Variants in ZNF91 observed in about 807,000 individuals in gnomAD.
ZNF91 encodes zinc finger protein 91 (HPF7, HTF10).
Under a neutral mutation model 12.6 loss-of-function variants are expected in ZNF91, and 7 were observed. The observed-to-expected ratio is 0.55, with a 90% CI of 0.31 to 1.04. The LOEUF (loss-of-function observed/expected upper bound fraction) is 1.04, where lower values mean the gene tolerates loss of function less well. Among genes scored for constraint, ZNF91 ranks in the 50% least tolerant of loss-of-function variants. ZNF91 has a pLI of 0.05. For missense variants in ZNF91, 1,217 were observed against 1,385.4 expected, an observed-to-expected ratio of 0.88 and a Z score of 1.93; for synonymous variants, 453 against 462.6, an observed-to-expected ratio of 0.98 and a Z score of 0.27.
At position 23,360,548 on chromosome 19, in the gene ZNF91, A is replaced by C. The variant is rs1354829522; in HGVS notation, c.2431T>G (p.Ser811Ala). ...EECGKAFSRS[S>A]TLTKHKTIHT... ...ATTGTCTTATGCTTAGTAAGGGTTG[A>C]GGAACGGCTAAAAGCTTTGCCACAT... Residue 811 changes from serine to alanine, a missense_variant, in exon 4 of 4, where the codon TCA becomes GCA. Transcript: ENST00000300619. 1.2e-6 allele frequency: 2 copies of C among 1,613,710 alleles called. No individual in the cohort carries two copies. The highest frequency in any genetic ancestry group is 1.3e-5 in the African/African-American group (1 of 74,848).
Position 23,374,749 on chromosome 19 carries a change from T to G in ZNF91, c.46A>C (p.Arg16=). The G allele has an allele frequency of 6.2e-7, 1 of 1,611,412 alleles. No individual in the cohort carries two copies. Among genetic ancestry groups the G allele is most frequent in the Non-Finnish European group, 8.5e-7 (1 of 1,178,566 alleles). ...GSLEMGLLTF[R]DVAIEFSPEE... is the part of the protein sequence containing the mutation. The stretch of plus-strand genomic sequence containing the variant: ...GGAGAGAATTCTATGGCCACATCCC[T>G]AAATGTCAACAGTCCCTGAAAAACA... Residue 16 remains arginine (R), a synonymous_variant, in exon 2 of 4, where the codon AGG becomes CGG. Transcript: ENST00000300619.
chr19:23,387,359 A>G (rs1671407009), intron 1 of ZNF91, among the ~76,000 whole-genome samples: 1 of 152,240 alleles, frequency 6.6e-6, no homozygotes, highest in African/African-American at 2.4e-5. Context: ...TCACTGCAGC[A>G]CTATTCACAA....
chr19:23,361,437 T>A lies in ZNF91; in HGVS notation c.1542A>T (p.Gly514=). The stretch of plus-strand genomic sequence containing the variant: ...ATTCTTCAAATTTGTAGGGTTTCTC[T>A]CCAGTATGAATTATCTTATGTTTAG... ...TLTKHKIIHT[G]EKPYKFEECG... The change falls in exon 4 of 4, where the codon GGA becomes GGT. Residue 514 remains glycine (G), a synonymous_variant. Coordinates refer to ENST00000300619, the MANE Select transcript of ZNF91 (RefSeq NM_003430.4). 1 of 1,613,790 alleles carries A rather than the reference T, an allele frequency of 6.2e-7. No homozygotes were observed. The highest frequency in any genetic ancestry group is 8.5e-7 in the Non-Finnish European group (1 of 1,179,822).
At chr19:23,319,500 A>C (rs1967639812) in intron 1 of ZNF91, among the ~76,000 whole-genome samples, 5 of 152,190 alleles carry the variant, frequency 3.3e-5, no homozygotes, top group Admixed American at 3.3e-4. Context: ...TGTATTGTGA[A>C]ATAACACTGG....
At chr19:23,376,232 G>A (rs1481760740) in intron 1 of ZNF91, among the ~76,000 whole-genome samples, 1 of 152,090 alleles carries the variant, frequency 6.6e-6, no homozygotes, top group African/African-American at 2.4e-5. Context: ...ACCTTTCCAT[G>A]TTCAACAGCC....
At chr19:23,390,474 G>C (rs774440433) in intron 1 of ZNF91, among the ~76,000 whole-genome samples, 9 of 152,008 alleles carry the variant, frequency 5.9e-5, no homozygotes, top group Non-Finnish European at 1.2e-4. Flanking sequence ...ATGGTGGGGG[G>C]GCGGAAAAAC....
intron 3 of ZNF91, among the ~76,000 whole-genome samples, chr19:23,347,923 A>G (rs1968270834): frequency 1.3e-5 from 2 of 152,202 alleles, no homozygotes; most frequent in Non-Finnish European, 1.5e-5. Context: ...GAGCAGAAGC[A>G]TTCCCAACAA....
intron 3 of ZNF91, among the ~76,000 whole-genome samples, chr19:23,340,921 T>C (rs187078716): frequency 4.4e-4 from 67 of 151,606 alleles, no homozygotes; most frequent in African/African-American, 1.6e-3. Context: ...CTCAAAAATA[T>C]AATAATAGTA....
chr19:23,369,211 G>C (rs1308392611), intron 3 of ZNF91, among the ~76,000 whole-genome samples: 1 of 152,124 alleles, frequency 6.6e-6, no homozygotes, highest in Non-Finnish European at 1.5e-5. Context: ...TCAGGAGGCT[G>C]AGGCAGGAGA....
At chr19:23,391,690 A>C (rs1188030808) in intron 1 of ZNF91, among the ~76,000 whole-genome samples, 3 of 152,182 alleles carry the variant, frequency 2.0e-5, no homozygotes, top group Non-Finnish European at 4.4e-5. Context: ...TATTAATCTT[A>C]ACTGCATCTG....
chr19:23,305,504 A>C (rs10420211), intron 3 of ZNF91, among the ~76,000 whole-genome samples: 6,142 of 152,274 alleles, frequency 0.04, 391 homozygotes, highest in African/African-American at 0.14. Flanking sequence ...CAATCAGCCA[A>C]TTAGGTCAGC....
upstream of ZNF91, among the ~76,000 whole-genome samples, chr19:23,315,527 C>T (rs1436828818): frequency 1.3e-5 from 2 of 152,154 alleles, no homozygotes; most frequent in Non-Finnish European, 2.9e-5. Flanking sequence ...CCACAAGGGC[C>T]ACTGCAACAT....
chr19:23,373,960 G>A, intron 2 of ZNF91, 123 bp from the exon 3 acceptor site: 1 of 483,308 alleles, frequency 2.1e-6, no homozygotes, highest in East Asian at 4.2e-5. Flanking sequence ...ATACTAATTT[G>A]TAACAGAAAT....
At chr19:23,381,648 C>T (rs1969719923) in intron 1 of ZNF91, among the ~76,000 whole-genome samples, 1 of 151,960 alleles carries the variant, frequency 6.6e-6, no homozygotes, top group Non-Finnish European at 1.5e-5. Flanking sequence ...TTAGTAGAGA[C>T]AAGATTACTC....
intron 3 of ZNF91, among the ~76,000 whole-genome samples, chr19:23,368,108 C>T (rs1599733692): frequency 6.6e-6 from 1 of 151,992 alleles, no homozygotes; most frequent in Non-Finnish European, 1.5e-5. Flanking sequence ...CAGGGTTTCA[C>T]CATGTTGGCC....
chr19:23,336,503 G>A (rs549699383), downstream of ZNF91, among the ~76,000 whole-genome samples: 31 of 152,134 alleles, frequency 2.0e-4, no homozygotes, highest in East Asian at 3.9e-4. Flanking sequence ...TTGCCTGTTC[G>A]TTACTCTACA....
At position 23,374,637 on chromosome 19, in the gene ZNF91, C is replaced by G; in HGVS notation, c.157+1G>C. ...AAACTTAGTATTAAAGTTTTCCTTA[C>G]CCAGGAAGGCCAGGTTTCTGTAGTT... On this transcript the variant is annotated splice_donor_variant, in intron 2 of 3. Transcript: ENST00000300619. LOFTEE classifies it high-confidence loss of function. 6.2e-7 allele frequency: 1 copy of G among 1,603,028 alleles called. No individual in the cohort carries two copies. The highest frequency in any genetic ancestry group is 8.5e-7 in the Non-Finnish European group (1 of 1,173,934).
chr19:23,367,978 C>G (rs1004052565), intron 3 of ZNF91, among the ~76,000 whole-genome samples: 1 of 152,022 alleles, frequency 6.6e-6, no homozygotes, highest in Non-Finnish European at 1.5e-5. Flanking sequence ...GGCGCAGTCT[C>G]GGCTCACTGC....
intron 3 of ZNF91, among the ~76,000 whole-genome samples, chr19:23,350,087 C>T (rs764046164): frequency 6.6e-6 from 1 of 152,162 alleles, no homozygotes; most frequent in Non-Finnish European, 1.5e-5. Flanking sequence ...AAACCAAATG[C>T]GTGCAGCAAT....
Sources: allele counts gnomAD v4.1 joint callset (sites outside exome capture counted in the v4.1 genomes callset), GRCh38; gene constraint gnomAD v4.1.1; transcripts MANE v1.5; gene names NCBI Gene and HGNC (gene_info 2026-07-23, HGNC 2026-07-21).